SESN2: variants seen among roughly 807,000 people sequenced by gnomAD.
SESN2 encodes the protein sestrin-2.
In SESN2, 42 loss-of-function variants were observed where a neutral mutation model predicts 56.0. The observed-to-expected ratio is 0.75, with a 90% CI of 0.59 to 0.97. SESN2 has a LOEUF of 0.97. Among genes scored for constraint, SESN2 ranks in the 50% least tolerant of loss-of-function variants. SESN2 has a pLI of 0.00. For synonymous variants in SESN2, 264 were observed against 267.1 expected (o/e 0.99, Z 0.11); for missense variants, 507 against 649.4 (o/e 0.78, Z 2.38).
At chr1:28,280,537 A>T (rs1648195717) in intron 9 of SESN2, among the ~76,000 whole-genome samples, 179 bp from the exon 10 acceptor site, 1 of 152,224 alleles carries the variant, frequency 6.6e-6, no homozygotes, top group Non-Finnish European at 1.5e-5. Flanking sequence ...GAGCTTAGTC[A>T]TGATAGGAAT....
intron 1 of SESN2, among the ~76,000 whole-genome samples, chr1:28,267,245 C>G (rs896798911): frequency 6.6e-6 from 1 of 152,156 alleles, no homozygotes; most frequent in Non-Finnish European, 1.5e-5. Context: ...CAGCCTGGCC[C>G]GGAAGTTCCC....
chr1:28,272,008 T>C (rs1647796443), intron 3 of SESN2, 137 bp downstream of exon 3: 11 of 928,442 alleles, frequency 1.2e-5, no homozygotes, highest in South Asian at 1.7e-5. Context: ...CTGTAGAGTT[T>C]TGGGTTTTTT....
chr1:28,273,209 CCA>C (rs1647852545), intron 5 of SESN2, 147 bp from the exon 6 acceptor site: 3 of 638,026 alleles, frequency 4.7e-6, no homozygotes, highest in Non-Finnish European at 7.6e-6. Context: ...AGCACAGACC[CCA>C]TGTGCTGTCC....
intron 1 of SESN2, among the ~76,000 whole-genome samples, 169 bp from the exon 2 acceptor site, chr1:28,269,014 C>T (rs56299189): frequency 0.038 from 5,790 of 152,316 alleles, 307 homozygotes; most frequent in African/African-American, 0.12. Flanking sequence ...CTTGATTACC[C>T]TTCCAAACAT....
At chr1:28,264,212 A>G (rs1306145651) in intron 1 of SESN2, among the ~76,000 whole-genome samples, 2 of 152,198 alleles carry the variant, frequency 1.3e-5, no homozygotes, top group African/African-American at 2.4e-5. Context: ...CCAGCTACTT[A>G]GGAGGCTGAG....
chr1:28,276,701 G>A (rs961771864), intron 8 of SESN2, among the ~76,000 whole-genome samples: 21 of 138,584 alleles, frequency 1.5e-4, no homozygotes, highest in African/African-American at 5.4e-4. Context: ...CGCCTCAGCC[G>A]TCCGAATAGC....
At chr1:28,279,794 G>T (rs769728159) in intron 9 of SESN2, among the ~76,000 whole-genome samples, 2 of 151,682 alleles carry the variant, frequency 1.3e-5, no homozygotes, top group Non-Finnish European at 2.9e-5. Flanking sequence ...CACCTGTCTC[G>T]GACTTCCAAA....
intron 1 of SESN2, 48 bp downstream of exon 1, chr1:28,259,985 C>T (rs1647311950): frequency 7.3e-7 from 1 of 1,378,540 alleles, no homozygotes; most frequent in Non-Finnish European, 9.8e-7. Flanking sequence ...CCCCGAACCG[C>T]GTCTGAGCCT....
intron 1 of SESN2, among the ~76,000 whole-genome samples, chr1:28,262,797 A>G (rs1056983170): frequency 2.0e-5 from 3 of 151,358 alleles, no homozygotes; most frequent in African/African-American, 7.3e-5. Flanking sequence ...GCGTGGTGGC[A>G]CACGCCTGTA....
Position 28,266,183 on chromosome 1 carries a change from A to G in SESN2, c.91-3000A>G, listed in dbSNP as rs138398680. On this transcript the variant is annotated intron_variant, in intron 1 of 9. Coordinates refer to ENST00000253063, the MANE Select transcript of SESN2 (RefSeq NM_031459.5). The stretch of plus-strand genomic sequence containing the variant: ...AAGTGATCAATAAATGGTGTAAACA[A>G]TGGTCCTCACCCTGGCTGTTATGCT... 5.4e-3 allele frequency among the ~76,000 whole-genome samples: 820 copies of G among 152,314 alleles called. 3 individuals carry two copies. Among genetic ancestry groups the G allele is most frequent in the Middle Eastern group, 0.017 (5 of 294 alleles).
At chr1:28,270,254 G>A (rs996063433) in intron 2 of SESN2, among the ~76,000 whole-genome samples, 11 of 152,018 alleles carry the variant, frequency 7.2e-5, no homozygotes, top group Non-Finnish European at 1.6e-4. Context: ...TGGAGGCTGA[G>A]GCAGGAGAAT....
rs1647303620 is a variant in SESN2, at chr1:28,259,782, G to A, written c.-66G>A. 2.4e-6 allele frequency: 3 copies of A among 1,225,274 alleles called. No homozygotes were observed. The highest frequency in any genetic ancestry group is 3.2e-6 in the Non-Finnish European group (3 of 939,572). The allele number at this position is 1,225,274 out of a possible 1,614,324, so 75.9% of individuals were successfully genotyped here. The stretch of plus-strand genomic sequence containing the variant: ...CGCCCAGTCCCGGCTTCATTCGGGC[G>A]TCCCTCCGAAACCCACTCGGGTGCA... On this transcript the variant is annotated 5_prime_UTR_variant, in exon 1 of 10. Transcript: ENST00000253063.
intron 6 of SESN2, 120 bp from the exon 7 acceptor site, chr1:28,273,920 G>T: frequency 1.4e-6 from 1 of 720,274 alleles, no homozygotes. Flanking sequence ...ACTCACTATA[G>T]CAAGGGGCTT....
At chr1:28,262,603 CAG>C (rs1353627992) in intron 1 of SESN2, among the ~76,000 whole-genome samples, 1 of 111,998 alleles carries the variant, frequency 8.9e-6, no homozygotes, top group Non-Finnish European at 1.7e-5. Flanking sequence ...GCCTGGGTGA[CAG>C]AGCAAGAGTC....
chr1:28,275,286 TATACATGC>T (rs1483067166), intron 8 of SESN2, among the ~76,000 whole-genome samples: 2 of 147,224 alleles, frequency 1.4e-5, no homozygotes, highest in Non-Finnish European at 3.0e-5. Context: ...TATATACACA[TATACATGC>T]ATACACACAC....
Position 28,280,888 on chromosome 1 carries a change from C to T in SESN2, c.*86C>T. ...GCCCCAGACCCTTTTGTGTCCCATG[C>T]CCACCCTCCCCACGCTGCAGTGGGC... is the stretch of plus-strand genomic sequence containing the variant. On this transcript the variant is annotated 3_prime_UTR_variant, in exon 10 of 10. Transcript: ENST00000253063. 2 of 956,252 alleles carry T rather than the reference C, an allele frequency of 2.1e-6. No homozygotes were observed. The highest frequency in any genetic ancestry group is 1.8e-5 in the Admixed American group (1 of 55,866). 59.2% of individuals were successfully genotyped at this position (956,252 alleles called of 1,614,324 possible). A position where few individuals can be genotyped will look rare whatever the true frequency, so the allele number is the denominator to read the frequency against.
rs61741544 is a variant in SESN2, at chr1:28,272,725, C to T, written c.682C>T (p.Pro228Ser). ...GGGGGATGCAGATGGCAGCCCTGCC[C>T]CCCAGGCACCTACACCCCCTAGTGA... ...PEGDADGSPA[P>S]QAPTPPSEQS... Residue 228 changes from proline (P) to serine (S), a missense_variant, in exon 5 of 10, where the codon CCC becomes TCC. Coordinates refer to ENST00000253063, the MANE Select transcript of SESN2 (RefSeq NM_031459.5). The T allele has an allele frequency of 1.6e-3, 2,509 of 1,611,714 alleles. 6 individuals are homozygous for T. The highest frequency in any genetic ancestry group is 2.8e-3 in the Middle Eastern group (17 of 6,056).
intron 2 of SESN2, among the ~76,000 whole-genome samples, chr1:28,270,830 A>G (rs61785865): frequency 0.18 from 26,619 of 151,996 alleles, 2,902 homozygotes; most frequent in Non-Finnish European, 0.24. Flanking sequence ...CTGCCTCCCA[A>G]TGTGCTGGGA....
At chr1:28,270,873 C>T (rs1159238250) in intron 2 of SESN2, among the ~76,000 whole-genome samples, 1 of 152,048 alleles carries the variant, frequency 6.6e-6, no homozygotes, top group Admixed American at 6.6e-5. Context: ...CCAGCCCACT[C>T]TTTTATAATA....
Sources: allele counts gnomAD v4.1 joint callset (sites outside exome capture counted in the v4.1 genomes callset), GRCh38; gene constraint gnomAD v4.1.1; transcripts MANE v1.5; gene names NCBI Gene and HGNC (gene_info 2026-07-23, HGNC 2026-07-21).